NKAIN2: variants seen among roughly 807,000 people sequenced by gnomAD.
NKAIN2 encodes sodium/potassium-transporting ATPase subunit beta-1-interacting protein 2.
In NKAIN2, 14 loss-of-function variants were observed where a neutral mutation model predicts 32.6. The observed-to-expected ratio is 0.43, with a 90% CI of 0.28 to 0.67. The LOEUF (loss-of-function observed/expected upper bound fraction) is 0.67. Ranked by LOEUF, NKAIN2 falls within the 30% of genes least tolerant of loss-of-function variation. The pLI is 0.17. For synonymous variants in NKAIN2, 80 were observed against 87.2 expected, an observed-to-expected ratio of 0.92 and a Z score of 0.46; for missense variants, 198 against 258.3, an observed-to-expected ratio of 0.77 and a Z score of 1.60.
At chr6:124,596,000 A>C (rs1374949994) in intron 3 of NKAIN2, among the ~76,000 whole-genome samples, 2 of 151,320 alleles carry the variant, frequency 1.3e-5, no homozygotes, top group Non-Finnish European at 2.9e-5. Context: ...CCGAAGAGCG[A>C]CTCTCCTCTC....
intron 5 of NKAIN2, among the ~76,000 whole-genome samples, chr6:124,800,159 C>G (rs116775670): frequency 6.6e-6 from 1 of 152,184 alleles, no homozygotes; most frequent in Non-Finnish European, 1.5e-5. Flanking sequence ...AGTCTCTTGA[C>G]GAATGATGCT....
At chr6:124,439,111 CTAATGGCATCTCCAAAGTTAAAGTG>C (rs1775582826) in intron 3 of NKAIN2, among the ~76,000 whole-genome samples, 1 of 152,112 alleles carries the variant, frequency 6.6e-6, no homozygotes, top group Non-Finnish European at 1.5e-5. Flanking sequence ...TTCTCAATAG[CTAATGGCATCTCCAAAGTTAAAGTG>C]TGAAACAAAC....
At chr6:124,709,255 G>T (rs1239719325) in intron 4 of NKAIN2, among the ~76,000 whole-genome samples, 1 of 148,850 alleles carries the variant, frequency 6.7e-6, no homozygotes, top group Non-Finnish European at 1.5e-5. Context: ...ATTTTATTGA[G>T]GATTTTTGCA....
intron 1 of NKAIN2, among the ~76,000 whole-genome samples, chr6:123,908,724 A>G (rs1775013910): frequency 6.6e-6 from 1 of 152,228 alleles, no homozygotes; most frequent in African/African-American, 2.4e-5. Context: ...GTAGTTGAAT[A>G]TTCAGTAATA....
chr6:123,967,964 G>T (rs1289800918), intron 1 of NKAIN2, among the ~76,000 whole-genome samples: 1 of 152,146 alleles, frequency 6.6e-6, no homozygotes, highest in African/African-American at 2.4e-5. Context: ...GGAGAAGAGG[G>T]TTCAGGTGCC....
intron 4 of NKAIN2, among the ~76,000 whole-genome samples, chr6:124,701,139 A>ACACACACACACACG (rs1562331909): frequency 8.3e-6 from 1 of 120,710 alleles, no homozygotes; most frequent in Non-Finnish European, 1.7e-5. Context: ...GGAGAGAGAT[A>ACACACACACACACG]CACACACACA....
chr6:124,676,327 T>C (rs1773354450), intron 4 of NKAIN2, among the ~76,000 whole-genome samples: 1 of 152,216 alleles, frequency 6.6e-6, no homozygotes, highest in Non-Finnish European at 1.5e-5. Flanking sequence ...TCTGTATATG[T>C]CTTTTAGCTC....
chr6:124,641,796 C>T (rs1319648342), intron 3 of NKAIN2, among the ~76,000 whole-genome samples: 1 of 151,816 alleles, frequency 6.6e-6, no homozygotes, highest in African/African-American at 2.4e-5. Flanking sequence ...CCAAGGTGAT[C>T]CACCTGCCTT....
chr6:124,033,628 T>C (rs1222495832), intron 1 of NKAIN2, among the ~76,000 whole-genome samples: 1 of 152,094 alleles, frequency 6.6e-6, no homozygotes, highest in Non-Finnish European at 1.5e-5. Flanking sequence ...TCATTCTCAC[T>C]AAGCGAGCAT....
intron 4 of NKAIN2, among the ~76,000 whole-genome samples, chr6:124,671,569 A>C (rs1773101149): frequency 6.6e-6 from 1 of 151,982 alleles, no homozygotes. Flanking sequence ...AATGTGCCAC[A>C]CAAGTTCAAA....
At chr6:124,341,493 TA>T (rs1289615441) in intron 2 of NKAIN2, among the ~76,000 whole-genome samples, 1 of 152,190 alleles carries the variant, frequency 6.6e-6, no homozygotes, top group East Asian at 1.9e-4. Flanking sequence ...CTCAAAATTT[TA>T]AATATTTTCT....
chr6:124,089,885 G>T lies in NKAIN2; in HGVS notation c.55-193120G>T, dbSNP rs1784346193. ...ATATACAGTTTATGTAAGTTGCCCA[G>T]TGTTAGTACTAAGTGGCAGACCAAT... On this transcript the variant is annotated intron_variant, in intron 1 of 6. Coordinates refer to ENST00000368417, the MANE Select transcript of NKAIN2 (RefSeq NM_001040214.3). Among the ~76,000 whole-genome samples the T allele has an allele frequency of 2.6e-5, 4 of 151,886 alleles. No homozygotes were observed. In the South Asian group the frequency reaches 8.3e-4, roughly 32 times the overall value.
chr6:124,241,495 A>G (rs766690425), intron 1 of NKAIN2, among the ~76,000 whole-genome samples: 1 of 151,462 alleles, frequency 6.6e-6, no homozygotes. Flanking sequence ...TCAAACTATA[A>G]TATAAGGCAA....
At chr6:124,719,267 G>T (rs1300862811) in intron 4 of NKAIN2, among the ~76,000 whole-genome samples, 3 of 152,146 alleles carry the variant, frequency 2.0e-5, no homozygotes, top group Admixed American at 6.5e-5. Context: ...TGCTGACACT[G>T]GTTCAAACTT....
chr6:124,168,393 A>C (rs571394140), intron 1 of NKAIN2, among the ~76,000 whole-genome samples: 41 of 152,262 alleles, frequency 2.7e-4, no homozygotes, highest in South Asian at 8.3e-4. Context: ...ATGATATTGT[A>C]GTATGGATAC....
chr6:124,216,091 C>G, intron 1 of NKAIN2, among the ~76,000 whole-genome samples: 1 of 146,032 alleles, frequency 6.8e-6, no homozygotes, highest in South Asian at 2.1e-4. Flanking sequence ...GTACTCCAGC[C>G]TGGGTGACAG....
chr6:124,741,295 A>G (rs1237671956), intron 4 of NKAIN2, among the ~76,000 whole-genome samples: 1 of 151,834 alleles, frequency 6.6e-6, no homozygotes, highest in Non-Finnish European at 1.5e-5. Context: ...TTTGGGATTC[A>G]TTAATATTTA....
intron 5 of NKAIN2, among the ~76,000 whole-genome samples, chr6:124,799,203 A>G (rs1325647268): frequency 6.6e-6 from 1 of 152,202 alleles, no homozygotes; most frequent in Non-Finnish European, 1.5e-5. Context: ...TCAAGTTCCT[A>G]TTAGTGACCA....
At chr6:124,206,990 A>G (rs1416101842) in intron 1 of NKAIN2, among the ~76,000 whole-genome samples, 1 of 151,814 alleles carries the variant, frequency 6.6e-6, no homozygotes, top group Non-Finnish European at 1.5e-5. Context: ...GGTCAACTAT[A>G]TGTGGTCAAG....
Sources: allele counts gnomAD v4.1 joint callset (sites outside exome capture counted in the v4.1 genomes callset), GRCh38; gene constraint gnomAD v4.1.1; transcripts MANE v1.5; gene names NCBI Gene and HGNC (gene_info 2026-07-23, HGNC 2026-07-21).